Variants in POGLUT1 observed in about 807,000 individuals in gnomAD.
POGLUT1 encodes the protein 9630046K23Rik.
In POGLUT1, 32 loss-of-function variants were observed where a neutral mutation model predicts 61.3. That is an observed-to-expected ratio of 0.52 (90% CI 0.39 to 0.70). The LOEUF (loss-of-function observed/expected upper bound fraction) is 0.70, where lower values mean the gene tolerates loss of function less well. Among genes scored for constraint, POGLUT1 ranks in the 30% least tolerant of loss-of-function variants. The pLI is 0.00. For synonymous variants in POGLUT1, 158 were observed against 158.2 expected (o/e 1.00, Z 0.01); for missense variants, 411 against 469.8 (o/e 0.87, Z 1.16).
At chr3:119,490,432 G>A (rs2081729400) in intron 8 of POGLUT1, 119 bp from the exon 9 acceptor site, 1 of 880,414 alleles carries the variant, frequency 1.1e-6, no homozygotes, top group Admixed American at 2.3e-5. Flanking sequence ...AACTCAAAGT[G>A]GAAAGAGAAT....
intron 8 of POGLUT1, chr3:119,489,753 A>G (rs2081718204): frequency 6.6e-6 from 1 of 152,292 alleles, no homozygotes; most frequent in East Asian, 1.9e-4. Flanking sequence ...GCTGCATGGC[A>G]GGAGGTGAGC....
intron 7 of POGLUT1, among the ~76,000 whole-genome samples, chr3:119,487,276 C>T (rs1345768233): frequency 3.3e-5 from 5 of 152,266 alleles, no homozygotes; most frequent in Non-Finnish European, 7.4e-5. Flanking sequence ...ATGAATGAGC[C>T]TGGCAGTGTT....
In POGLUT1 at chr3:119,471,623, C is replaced by T. The variant is rs557418041; in HGVS notation, c.320+171C>T. On this transcript the variant is annotated intron_variant, in intron 3 of 10. Transcript: ENST00000295588. The stretch of plus-strand genomic sequence containing the variant: ...CTTGCCTGGGAATTTTTCTTGCGAG[C>T]TCCTCTCAAAGCCTGTCTCCTCTGT... The T allele has an allele frequency of 5.4e-5, 34 of 629,104 alleles. No individual in the cohort carries two copies. The African/African-American group carries it at 5.7e-4, about 11-fold the overall frequency. 39.0% of individuals were successfully genotyped at this position (629,104 alleles called of 1,614,324 possible). A position where few individuals can be genotyped will look rare whatever the true frequency, so the allele number is the denominator to read the frequency against.
chr3:119,469,960 G>A (rs759892410), intron 2 of POGLUT1, 50 bp downstream of exon 2: 6 of 1,063,374 alleles, frequency 5.6e-6, no homozygotes, highest in Non-Finnish European at 8.8e-6. Context: ...GCTGTCACAG[G>A]AAGTATTCTA....
intron 3 of POGLUT1, among the ~76,000 whole-genome samples, chr3:119,475,869 C>T (rs1168119657): frequency 6.6e-6 from 1 of 151,626 alleles, no homozygotes; most frequent in Non-Finnish European, 1.5e-5. Context: ...ACCTGTAATC[C>T]CAGCACTTTG....
chr3:119,479,257 A>G (rs1320646503), intron 4 of POGLUT1, among the ~76,000 whole-genome samples: 1 of 152,086 alleles, frequency 6.6e-6, no homozygotes, highest in African/African-American at 2.4e-5. Flanking sequence ...GATATGTGAT[A>G]ACACCCCTTC....
intron 9 of POGLUT1, among the ~76,000 whole-genome samples, chr3:119,490,948 G>A (rs953658124): frequency 5.9e-5 from 9 of 151,926 alleles, no homozygotes; most frequent in African/African-American, 1.7e-4. Flanking sequence ...CAAATGAAAC[G>A]TTCAGACAAA....
intron 3 of POGLUT1, among the ~76,000 whole-genome samples, chr3:119,472,931 T>C (rs1289325077): frequency 6.6e-6 from 1 of 152,064 alleles, no homozygotes; most frequent in Non-Finnish European, 1.5e-5. Flanking sequence ...CTTGGGAGGC[T>C]GAAGTGAGTG....
In POGLUT1 at chr3:119,494,699, A is replaced by G. The variant is rs1158706529; in HGVS notation, c.*2261A>G. 1 of 152,494 alleles carries G rather than the reference A, an allele frequency of 6.6e-6. No homozygotes were observed. Among genetic ancestry groups the G allele is most frequent in the African/African-American group, 2.4e-5 (1 of 41,458 alleles). 9.4% of individuals were successfully genotyped at this position (152,494 alleles called of 1,614,324 possible). A position where few individuals can be genotyped will look rare whatever the true frequency, so the allele number is the denominator to read the frequency against. On this transcript the variant is annotated 3_prime_UTR_variant, in exon 11 of 11. Transcript: ENST00000295588. ...TATTTGAATGAAGTGGGATACTTGCATAACACAAATAATGCTTTGTCTTTA... is the reference window on the plus strand; with the variant it reads ...TATTTGAATGAAGTGGGATACTTGCGTAACACAAATAATGCTTTGTCTTTA...
rs144627802 is a variant in POGLUT1 at position 119,482,501 on chromosome 3, A to G, written c.578+2329A>G. 7.4e-4 allele frequency among the ~76,000 whole-genome samples: 113 copies of G among 152,296 alleles called. 1 individual carries two copies. In the Middle Eastern group the frequency reaches 0.017, roughly 23 times the overall value. ...GTTACTCCACCGTGTAGTTATTAAT[A>G]CCATTTTCCCCCAGGTAAACTAGTA... On this transcript the variant is annotated intron_variant, in intron 5 of 10. Transcript: ENST00000295588.
At chr3:119,488,845 T>G in intron 7 of POGLUT1, 84 bp from the exon 8 acceptor site, 4 of 711,748 alleles carry the variant, frequency 5.6e-6, no homozygotes, top group South Asian at 1.7e-5. Context: ...GTAATGTTGA[T>G]GAAATGTTTA....
intron 1 of POGLUT1, 107 bp downstream of exon 1, chr3:119,469,213 T>A: frequency 1.1e-6 from 1 of 882,456 alleles, no homozygotes; most frequent in Non-Finnish European, 1.8e-6. Context: ...GTGGCCGCTG[T>A]AGCTCGGAGC....
chr3:119,476,625 A>T (rs2081540888), intron 3 of POGLUT1, among the ~76,000 whole-genome samples: 1 of 152,156 alleles, frequency 6.6e-6, no homozygotes, highest in Admixed American at 6.6e-5. Flanking sequence ...TATTGCCCCT[A>T]GCATAGTGCT....
chr3:119,480,178 T>A lies in POGLUT1; in HGVS notation c.578+6T>A. ...TTCAGAGAAGATCTGGTAAGGTAGG[T>A]CCTTTAAAGAGGTTTTATTTTTTCT... is the stretch of plus-strand genomic sequence containing the variant. On this transcript the variant is annotated splice_donor_region_variant and intron_variant, in intron 5 of 10. Transcript: ENST00000295588. The A allele has an allele frequency of 6.5e-7, 1 of 1,544,502 alleles. No individual in the cohort carries two copies. The highest frequency in any genetic ancestry group is 8.7e-7 in the Non-Finnish European group (1 of 1,147,698).
chr3:119,485,235 T>A (rs988245681), intron 5 of POGLUT1, 93 bp from the exon 6 acceptor site: 7 of 800,394 alleles, frequency 8.7e-6, no homozygotes, highest in African/African-American at 1.8e-5. Context: ...AAAAGAAATA[T>A]GAAGCTCTGA....
At chr3:119,471,673 ACT>A in intron 3 of POGLUT1, 3 of 511,692 alleles carry the variant, frequency 5.9e-6, no homozygotes, top group Non-Finnish European at 1.1e-5. Context: ...CACTGGTTGT[ACT>A]GGTGGTGGCT....
intron 7 of POGLUT1, among the ~76,000 whole-genome samples, chr3:119,487,592 A>G (rs911715781): frequency 6.6e-6 from 1 of 152,196 alleles, no homozygotes; most frequent in Non-Finnish European, 1.5e-5. Context: ...TCTCAAAAAT[A>G]AGTAAATAAA....
intron 5 of POGLUT1, among the ~76,000 whole-genome samples, chr3:119,482,377 G>A (rs901996798): frequency 4.0e-5 from 6 of 150,668 alleles, no homozygotes; most frequent in Non-Finnish European, 8.9e-5. Flanking sequence ...ATATGAAAGA[G>A]TCACTTTATT....
At chr3:119,469,964 T>A in intron 2 of POGLUT1, 54 bp downstream of exon 2, 1 of 1,010,946 alleles carries the variant, frequency 9.9e-7, no homozygotes, top group Non-Finnish European at 1.6e-6. Context: ...TCACAGGAAG[T>A]ATTCTAACAT....
Sources: gnomAD v4.1 joint callset for allele counts (sites outside exome capture counted in the v4.1 genomes callset) on GRCh38, gnomAD v4.1.1 for gene constraint, MANE v1.5 for transcripts, NCBI Gene and HGNC (gene_info 2026-07-23, HGNC 2026-07-21) for gene names.